The following TMA7B variants were observed in gnomAD, a reference collection of about 807,000 sequenced individuals.
The protein encoded by TMA7B is translation machinery associated 7 homolog B.
chr22:39,964,026 C>G, the TMA7B span: 1 of 189,218 alleles, frequency 5.3e-6, no homozygotes, highest in African/African-American at 2.4e-5. Flanking sequence ...AAAAAGAAAC[C>G]TCCACTTACT....
At chr22:39,963,137 A>G in the TMA7B span, among the ~76,000 whole-genome samples, 38 of 152,356 alleles carry the variant, frequency 2.5e-4, no homozygotes, top group Non-Finnish European at 4.7e-4. Flanking sequence ...AATATTTTCC[A>G]AAGCAAAATC....
chr22:39,964,619 T>G, the TMA7B span: 2 of 698,124 alleles, frequency 2.9e-6, no homozygotes, highest in Non-Finnish European at 5.2e-6. Flanking sequence ...CATCCGTATT[T>G]AAACCTCTCT....
At chr22:39,962,119 A>G in the TMA7B span, among the ~76,000 whole-genome samples, 4 of 152,354 alleles carry the variant, frequency 2.6e-5, no homozygotes, top group East Asian at 7.7e-4. Flanking sequence ...ATTTCGCTCC[A>G]TTAACATATA....
chr22:39,962,231 CG>C, the TMA7B span, among the ~76,000 whole-genome samples: 1 of 151,994 alleles, frequency 6.6e-6, no homozygotes, highest in Non-Finnish European at 1.5e-5. Flanking sequence ...GGAGACCAGC[CG>C]GGGCAACTAG....
At chr22:39,961,113 TA>T in the TMA7B span, among the ~76,000 whole-genome samples, 2 of 152,120 alleles carry the variant, frequency 1.3e-5, no homozygotes, top group Admixed American at 6.5e-5. Flanking sequence ...ACCTGGCTAA[TA>T]TTTTTTTAAC....
the TMA7B span, chr22:39,960,424 G>A: frequency 2.6e-4 from 117 of 442,812 alleles, no homozygotes; most frequent in African/African-American, 2.2e-3. Flanking sequence ...TTCTAGCCCA[G>A]GTGCTTCTGG....
At chr22:39,963,853 T>C in the TMA7B span, 1 of 153,466 alleles carries the variant, frequency 6.5e-6, no homozygotes, top group Non-Finnish European at 1.5e-5. Context: ...CCGTCTCTAC[T>C]AAAAATACAA....
chr22:39,962,496 A>T, the TMA7B span, among the ~76,000 whole-genome samples: 1 of 152,104 alleles, frequency 6.6e-6, no homozygotes. Context: ...TATATTTAAC[A>T]TGCGTGTATA....
the TMA7B span, chr22:39,964,508 C>A: frequency 9.8e-7 from 1 of 1,019,738 alleles, no homozygotes; most frequent in Non-Finnish European, 1.5e-6. Flanking sequence ...GTGCTAAAAG[C>A]GAAGGTCGTG....
At chr22:39,964,097 G>A in the TMA7B span, 8 of 346,884 alleles carry the variant, frequency 2.3e-5, no homozygotes, top group Admixed American at 1.3e-4. Context: ...TTTACATCAG[G>A]CAATTGGCAT....
At chr22:39,962,987 T>G in the TMA7B span, among the ~76,000 whole-genome samples, 2 of 152,130 alleles carry the variant, frequency 1.3e-5, no homozygotes, top group East Asian at 1.9e-4. Context: ...ATGGTTTATA[T>G]TTCCTTAATT....
At chr22:39,964,500 G>T in the TMA7B span, 1 of 1,037,430 alleles carries the variant, frequency 9.6e-7, no homozygotes, top group East Asian at 2.4e-5. Context: ...AACTCGAGGT[G>T]CTAAAAGCGA....
At chr22:39,963,150 TATTA>T in the TMA7B span, among the ~76,000 whole-genome samples, 1 of 152,212 alleles carries the variant, frequency 6.6e-6, no homozygotes, top group Admixed American at 6.5e-5. Flanking sequence ...GCAAAATCAT[TATTA>T]ATTATTTTTA....
the TMA7B span, among the ~76,000 whole-genome samples, chr22:39,962,618 A>C: frequency 6.6e-6 from 1 of 152,126 alleles, no homozygotes; most frequent in Non-Finnish European, 1.5e-5. Flanking sequence ...GTTTGCATGA[A>C]GATGACTCTG....
At chr22:39,963,611 A>G in the TMA7B span, among the ~76,000 whole-genome samples, 1 of 152,308 alleles carries the variant, frequency 6.6e-6, no homozygotes, top group East Asian at 1.9e-4. Flanking sequence ...GCAAGAGGCC[A>G]CTTGTACAAC....
chr22:39,963,734 A>G, the TMA7B span, among the ~76,000 whole-genome samples: 2 of 152,134 alleles, frequency 1.3e-5, no homozygotes. Context: ...AGAAACCTCC[A>G]TGGTCAGGCG....
At chr22:39,962,056 G>A in the TMA7B span, among the ~76,000 whole-genome samples, 3 of 152,160 alleles carry the variant, frequency 2.0e-5, no homozygotes, top group East Asian at 1.9e-4. Context: ...CTTTAGTTCA[G>A]GCCAATATTG....
At chr22:39,964,703 A>G in the TMA7B span, 2 of 449,122 alleles carry the variant, frequency 4.5e-6, no homozygotes, top group South Asian at 5.2e-5. Flanking sequence ...TACATTTAAG[A>G]ATAAACTTTT....
chr22:39,961,664 GATCGCAAGTCACGT>G, the TMA7B span, among the ~76,000 whole-genome samples: 7 of 152,182 alleles, frequency 4.6e-5, no homozygotes, highest in Non-Finnish European at 1.0e-4. Context: ...GCATGTTGAG[GATCGCAAGTCACGT>G]ATCAGACTTC....
Sources: gnomAD v4.1 joint callset for allele counts (sites outside exome capture counted in the v4.1 genomes callset) on GRCh38, gnomAD v4.1.1 for gene constraint, MANE v1.5 for transcripts, NCBI Gene and HGNC (gene_info 2026-07-23, HGNC 2026-07-21) for gene names.